The following UNC13C variants were observed in gnomAD, a reference collection of about 807,000 sequenced individuals.
UNC13C encodes protein unc-13 homolog C.
A neutral mutation model predicts 245.4 loss-of-function variants in UNC13C; 174 were observed. The ratio of observed to expected loss-of-function variants is 0.71; its 90% confidence interval spans 0.63 to 0.80. UNC13C has a LOEUF of 0.80. Ranked by LOEUF, UNC13C falls within the 30% of genes least tolerant of loss-of-function variation. UNC13C has a pLI of 0.00. For synonymous variants in UNC13C, 992 were observed against 895.1 expected, an observed-to-expected ratio of 1.11 and a Z score of -1.93; for missense variants, 2,829 against 2,602.9, an observed-to-expected ratio of 1.09 and a Z score of -1.89.
chr15:54,346,627 AAAAGT>A (rs1202825179), intron 17 of UNC13C, among the ~76,000 whole-genome samples: 2 of 152,230 alleles, frequency 1.3e-5, no homozygotes, highest in African/African-American at 4.8e-5. Context: ...GATTTGATAG[AAAAGT>A]AGAGACAGCT....
chr15:54,581,118 G>C (rs189664513), intron 30 of UNC13C, among the ~76,000 whole-genome samples: 3 of 152,318 alleles, frequency 2.0e-5, no homozygotes, highest in East Asian at 3.9e-4. Flanking sequence ...AAGATAAAGA[G>C]TAGAGGCTTT....
At chr15:54,158,295 C>G (rs1301910171) in intron 4 of UNC13C, among the ~76,000 whole-genome samples, 2 of 152,172 alleles carry the variant, frequency 1.3e-5, no homozygotes, top group African/African-American at 4.8e-5. Flanking sequence ...AACTTCTTTC[C>G]TTTCCATGCA....
intron 12 of UNC13C, among the ~76,000 whole-genome samples, chr15:54,298,740 G>T (rs983736528): frequency 6.6e-6 from 1 of 152,058 alleles, no homozygotes; most frequent in Non-Finnish European, 1.5e-5. Context: ...GAGGTGTCAC[G>T]GGAGACTTTC....
At position 54,372,425 on chromosome 15, in the gene UNC13C, T is replaced by C. The variant is rs549733883; in HGVS notation, c.4714-20623T>C. Among the ~76,000 whole-genome samples, 13 of 152,182 alleles carry C rather than the reference T, an allele frequency of 8.5e-5. No homozygotes were observed. In the South Asian group the frequency reaches 2.3e-3, roughly 27 times the overall value. Reference sequence around the variant, plus strand: ...ATATTTATGATTTATAAAAAGATAATAAGATAAGCACCTTAATACTCGTGA... The same window carrying C: ...ATATTTATGATTTATAAAAAGATAACAAGATAAGCACCTTAATACTCGTGA... On this transcript the variant is annotated intron_variant, in intron 17 of 32. Transcript: ENST00000260323.
At chr15:54,005,950 G>A (rs537420460) in intron 1 of UNC13C, among the ~76,000 whole-genome samples, 6 of 152,148 alleles carry the variant, frequency 3.9e-5, no homozygotes, top group Non-Finnish European at 8.8e-5. Flanking sequence ...TGAAATGGTG[G>A]AGGATATTAC....
chr15:54,402,488 T>G (rs1247817985), intron 18 of UNC13C, among the ~76,000 whole-genome samples: 1 of 152,162 alleles, frequency 6.6e-6, no homozygotes, highest in Non-Finnish European at 1.5e-5. Context: ...AGAGTTGATC[T>G]TGAATTTTTC....
intron 8 of UNC13C, among the ~76,000 whole-genome samples, chr15:54,255,952 G>A (rs2036268514): frequency 6.6e-6 from 1 of 152,214 alleles, no homozygotes; most frequent in South Asian, 2.1e-4. Context: ...GGGGTTGGCT[G>A]CTGGAGAGAG....
rs117670947 is a variant in UNC13C at position 54,189,183 on chromosome 15, C to T, written c.3071+45499C>T. 5.1e-3 allele frequency among the ~76,000 whole-genome samples: 779 copies of T among 152,144 alleles called. 2 individuals are homozygous for T. Among genetic ancestry groups the T allele is most frequent in the Non-Finnish European group, 7.8e-3 (528 of 67,984 alleles). On this transcript the variant is annotated intron_variant, in intron 4 of 32. Transcript: ENST00000260323. The stretch of plus-strand genomic sequence containing the variant: ...TAGATGAAAAGCTCATTTTCTTTGT[C>T]CCACAGGTCAGCGTCTGGAATAAAA...
chr15:54,329,081 GTTTTT>G (rs36002521), intron 14 of UNC13C, among the ~76,000 whole-genome samples: 6 of 121,626 alleles, frequency 4.9e-5, no homozygotes, highest in Admixed American at 1.6e-4. Context: ...ATTAAACCAA[GTTTTT>G]TTTTTTTTTT....
At chr15:54,496,115 ATTATT>A (rs1489987068) in intron 20 of UNC13C, among the ~76,000 whole-genome samples, 2 of 152,124 alleles carry the variant, frequency 1.3e-5, no homozygotes, top group Admixed American at 6.6e-5. Context: ...GCATTTGTTA[ATTATT>A]TTAGTTTAGC....
At chr15:54,072,931 T>C (rs571449729) in intron 2 of UNC13C, among the ~76,000 whole-genome samples, 4 of 152,166 alleles carry the variant, frequency 2.6e-5, no homozygotes, top group African/African-American at 9.6e-5. Context: ...ATGCAGAACA[T>C]GTAGGTTTGT....
chr15:53,939,812 CGAGAGA>C, the UNC13C span, among the ~76,000 whole-genome samples: 2 of 150,296 alleles, frequency 1.3e-5, no homozygotes, highest in South Asian at 2.1e-4. Context: ...AGAGAAAGGA[CGAGAGA>C]GAGAGAGAGA....
intron 18 of UNC13C, among the ~76,000 whole-genome samples, chr15:54,404,054 A>T (rs2140934381): frequency 6.6e-6 from 1 of 152,292 alleles, no homozygotes; most frequent in South Asian, 2.1e-4. Flanking sequence ...AATACATGTC[A>T]AGCATCTTAA....
rs1174086267 is a variant in UNC13C, at chr15:54,511,701, T to A, written c.5380-52T>A. ...CCACTTATAAGTTAAACTCATTCAA[T>A]AATTTTATATAAAAAGATTGCTCAT... On this transcript the variant is annotated intron_variant, in intron 23 of 32. Coordinates refer to ENST00000260323, the MANE Select transcript of UNC13C (RefSeq NM_001080534.3). The A allele has an allele frequency of 6.9e-6, 9 of 1,309,692 alleles. No homozygotes were observed. The Admixed American group carries it at 2.0e-4, about 29-fold the overall frequency. The allele number at this position is 1,309,692 out of a possible 1,614,324, so 81.1% of individuals were successfully genotyped here. A position where few individuals can be genotyped will look rare whatever the true frequency, so the allele number is the denominator to read the frequency against.
intron 32 of UNC13C, among the ~76,000 whole-genome samples, chr15:54,624,947 G>T (rs1901041298): frequency 6.6e-6 from 1 of 152,116 alleles, no homozygotes. Flanking sequence ...CTGAAAAGAG[G>T]AGAGAAAGAG....
chr15:54,507,908 A>T (rs1894551615), intron 23 of UNC13C, among the ~76,000 whole-genome samples: 1 of 151,910 alleles, frequency 6.6e-6, no homozygotes, highest in Non-Finnish European at 1.5e-5. Flanking sequence ...AAAAAGAAAA[A>T]CCAGTTTTTT....
intron 19 of UNC13C, among the ~76,000 whole-genome samples, chr15:54,486,289 A>ACACAC (rs1567319118): frequency 4.0e-5 from 6 of 149,570 alleles, no homozygotes; most frequent in South Asian, 2.1e-4. Context: ...ACACACACAC[A>ACACAC]ATATCAGTGT....
chr15:54,143,653 T>G lies in UNC13C; in HGVS notation c.3040T>G (p.Ser1014Ala). 6.2e-7 allele frequency: 1 copy of G among 1,613,424 alleles called. No homozygotes were observed. ...RIVSGNDLDA[S>A]KFSALQVCGG... Reference sequence around the variant, plus strand: ...AGTAAGTGGCAATGATTTGGATGCTTCCAAATTTTCTGCACTCCAGGTGTG... The same window carrying G: ...AGTAAGTGGCAATGATTTGGATGCTGCCAAATTTTCTGCACTCCAGGTGTG... The change falls in exon 4 of 33, where the codon TCC (serine) becomes GCC (alanine). Residue 1014 changes from serine to alanine, a missense_variant. Physicochemically the swap from Ser to Ala is moderately conservative, Grantham distance 99. Transcript: ENST00000260323.
chr15:53,863,225 G>C, the UNC13C span, among the ~76,000 whole-genome samples: 1 of 152,160 alleles, frequency 6.6e-6, no homozygotes. Context: ...AATTCTATCA[G>C]ATCTTAAGGC....
Sources: gnomAD v4.1 joint callset for allele counts (sites outside exome capture counted in the v4.1 genomes callset) on GRCh38, gnomAD v4.1.1 for gene constraint, MANE v1.5 for transcripts, NCBI Gene and HGNC (gene_info 2026-07-23, HGNC 2026-07-21) for gene names.